C2CD3: variants seen among roughly 807,000 people sequenced by gnomAD.
C2CD3 encodes the protein C2 domain-containing protein 3.
In C2CD3, 148 loss-of-function variants were observed where a neutral mutation model predicts 234.0. The observed-to-expected ratio is 0.63, with a 90% CI of 0.55 to 0.72. The LOEUF (loss-of-function observed/expected upper bound fraction) is 0.72, where lower values mean the gene tolerates loss of function less well. Ranked by LOEUF, C2CD3 falls within the 30% of genes least tolerant of loss-of-function variation. C2CD3 has a pLI of 0.00. For synonymous variants in C2CD3, 1,000 were observed against 1,035.4 expected, an observed-to-expected ratio of 0.97 and a Z score of 0.66; for missense variants, 2,577 against 2,811.5, an observed-to-expected ratio of 0.92 and a Z score of 1.89.
chr11:74,037,521 C>A lies in C2CD3; in HGVS notation c.5838G>T (p.Glu1946Asp). The change falls in exon 30 of 33, where the codon GAG becomes GAT. Residue 1946 changes from glutamate (E) to aspartate (D), a missense_variant. Coordinates refer to ENST00000334126, the MANE Select transcript of C2CD3 (RefSeq NM_001286577.2). Reference sequence around the variant, plus strand: ...CTTGCAACACCAGGTTACTGGATTTCTCCAGGATACACTGGCTCCCAGGGT... The same window carrying A: ...CTTGCAACACCAGGTTACTGGATTTATCCAGGATACACTGGCTCCCAGGGT... ...SLDPGSQCIL[E>D]KSSNLVLQVS... The A allele has an allele frequency of 6.2e-7, 1 of 1,614,102 alleles. No individual in the cohort carries two copies. Among genetic ancestry groups the A allele is most frequent in the Non-Finnish European group, 8.5e-7 (1 of 1,180,000 alleles).
intron 9 of C2CD3, among the ~76,000 whole-genome samples, chr11:74,117,100 GAA>G (rs1957019404): frequency 2.6e-5 from 1 of 38,818 alleles, no homozygotes; most frequent in Non-Finnish European, 4.3e-5. Context: ...ATATATATAT[GAA>G]TATATATATA....
chr11:74,092,350 C>G (rs56105159), intron 19 of C2CD3, 66 bp downstream of exon 19: 3 of 1,460,138 alleles, frequency 2.1e-6, no homozygotes, highest in Non-Finnish European at 2.9e-6. Context: ...CCACCGCACC[C>G]GGCTATTTTA....
intron 30 of C2CD3, chr11:74,036,236 C>G (rs1276088042): frequency 3.1e-6 from 1 of 327,492 alleles, no homozygotes. Context: ...CTACTCCAAA[C>G]AAGCCTTCAT....
At chr11:74,147,276 T>C (rs566063108) in intron 3 of C2CD3, among the ~76,000 whole-genome samples, 1 of 151,916 alleles carries the variant, frequency 6.6e-6, no homozygotes, top group East Asian at 1.9e-4. Flanking sequence ...ATTAGCCAGG[T>C]GTCGTGGTGT....
chr11:74,119,678 C>T (rs1381946317), intron 8 of C2CD3, among the ~76,000 whole-genome samples: 2 of 150,664 alleles, frequency 1.3e-5, no homozygotes, highest in Non-Finnish European at 2.9e-5. Context: ...GTCTGTTGCC[C>T]AGGCTGGAGT....
chr11:74,132,932 C>G lies in C2CD3; in HGVS notation c.1129G>C (p.Glu377Gln). 1 of 1,613,832 alleles carries G rather than the reference C, an allele frequency of 6.2e-7. No individual in the cohort carries two copies. Among genetic ancestry groups the G allele is most frequent in the Admixed American group, 1.7e-5 (1 of 60,014 alleles). Residue 377 changes from glutamate (E) to glutamine (Q), a missense_variant, in exon 7 of 33, where the codon GAA becomes CAA. Physicochemically the swap from Glu to Gln is conservative, Grantham distance 29. Transcript: ENST00000334126. ...TCAGTTGAAGGGAGGAGGTGATCTT[C>G]AATGTGGTCTTTAAACCGATTCCTA... Reference protein sequence around the residue: ...FSRNRFKDHIEDHLLPSTENT... With the variant: ...FSRNRFKDHIQDHLLPSTENT...
chr11:74,062,509 T>C (rs1954294340), intron 24 of C2CD3, among the ~76,000 whole-genome samples: 1 of 152,168 alleles, frequency 6.6e-6, no homozygotes, highest in African/African-American at 2.4e-5. Context: ...CTGAACAACC[T>C]GCTCCTGAAT....
At position 74,163,046 on chromosome 11, in the gene C2CD3, T is replaced by A. The variant is rs17132768; in HGVS notation, c.326-1490A>T. On this transcript the variant is annotated intron_variant, in intron 2 of 32. Coordinates refer to ENST00000334126, the MANE Select transcript of C2CD3 (RefSeq NM_001286577.2). ...GAGGAGAAGAAATATAATGTATGCA[T>A]AAGGAATCTCAGATCATTTCAGAAC... Among the ~76,000 whole-genome samples the A allele has an allele frequency of 8.4e-3, 1,281 of 152,322 alleles. 10 individuals are homozygous for A. The highest frequency in any genetic ancestry group is 0.028 in the African/African-American group (1,182 of 41,568).
At chr11:74,039,760 G>A (rs575773129) in intron 29 of C2CD3, among the ~76,000 whole-genome samples, 29 of 152,242 alleles carry the variant, frequency 1.9e-4, no homozygotes, top group African/African-American at 6.5e-4. Context: ...CCTACAATGC[G>A]CAGAACTGAC....
At chr11:74,109,389 A>T in intron 11 of C2CD3, 7 of 408,610 alleles carry the variant, frequency 1.7e-5, no homozygotes. Flanking sequence ...CCGCTTTGCC[A>T]TGAGAAATGA....
At chr11:74,062,202 T>A (rs1444783910) in intron 24 of C2CD3, among the ~76,000 whole-genome samples, 1 of 152,130 alleles carries the variant, frequency 6.6e-6, no homozygotes, top group Admixed American at 6.5e-5. Context: ...ACTGTCAACA[T>A]TAGACAGATC....
At chr11:74,137,535 GTA>G (rs58789501) in intron 5 of C2CD3, among the ~76,000 whole-genome samples, 41,649 of 147,250 alleles carry the variant, frequency 0.28, 6,798 homozygotes, top group African/African-American at 0.46. Context: ...ATCTTGGAGT[GTA>G]TATATATATA....
At chr11:74,158,496 G>A (rs946529120) in intron 3 of C2CD3, among the ~76,000 whole-genome samples, 6 of 152,166 alleles carry the variant, frequency 3.9e-5, no homozygotes, top group Non-Finnish European at 8.8e-5. Flanking sequence ...GCCAAGGCGG[G>A]CGGATCACCC....
chr11:74,159,739 G>A (rs1856315961), intron 3 of C2CD3, among the ~76,000 whole-genome samples: 3 of 151,830 alleles, frequency 2.0e-5, no homozygotes, highest in Admixed American at 2.0e-4. Context: ...AGATTGTTTT[G>A]TAAATTTAGT....
intron 15 of C2CD3, 53 bp downstream of exon 15, chr11:74,100,472 C>T: frequency 6.8e-7 from 1 of 1,478,848 alleles, no homozygotes; most frequent in Non-Finnish European, 9.2e-7. Context: ...CCTTTTCAGT[C>T]CATGCAAAGT....
intron 30 of C2CD3, 87 bp from the exon 31 acceptor site, chr11:74,034,365 C>T (rs555725664): frequency 6.1e-4 from 906 of 1,477,888 alleles, no homozygotes; most frequent in Admixed American, 9.1e-4. Context: ...TTCAGAAGCA[C>T]TATGGCAATC....
chr11:74,051,015 G>T lies in C2CD3; in HGVS notation c.5156-1473C>A, dbSNP rs144014100. ...ATTCAAGATCCCCTTTGGTTGAGCA[G>T]GTGGCTCATGCGTGTAACCCCAGCA... On this transcript the variant is annotated intron_variant, in intron 26 of 32. Coordinates refer to ENST00000334126, the MANE Select transcript of C2CD3 (RefSeq NM_001286577.2). Among the ~76,000 whole-genome samples, 690 of 151,524 alleles carry T rather than the reference G, an allele frequency of 4.6e-3. 15 individuals carry two copies. The highest frequency in any genetic ancestry group is 0.034 in the Middle Eastern group (10 of 294).
At chr11:74,074,642 C>T (rs754728711) in intron 23 of C2CD3, 42 bp from the exon 24 acceptor site, 15 of 1,500,218 alleles carry the variant, frequency 1.0e-5, no homozygotes, top group Non-Finnish European at 1.3e-5. Context: ...CAAGCAGGAA[C>T]CAAGACCAAG....
At chr11:74,077,617 T>G (rs1252431185) in intron 23 of C2CD3, among the ~76,000 whole-genome samples, 2 of 150,308 alleles carry the variant, frequency 1.3e-5, no homozygotes, top group Non-Finnish European at 3.0e-5. Context: ...CATCATACAC[T>G]GGGGCCTGTT....
Sources: gnomAD v4.1 joint callset for allele counts (sites outside exome capture counted in the v4.1 genomes callset) on GRCh38, gnomAD v4.1.1 for gene constraint, MANE v1.5 for transcripts, NCBI Gene and HGNC (gene_info 2026-07-23, HGNC 2026-07-21) for gene names.